The following MAGI2 variants were observed in gnomAD, a reference collection of about 807,000 sequenced individuals.
MAGI2 encodes membrane associated guanylate kinase, WW and PDZ domain containing 2.
A neutral mutation model predicts 133.3 loss-of-function variants in MAGI2; 35 were observed. The ratio of observed to expected loss-of-function variants is 0.26; its 90% CI spans 0.20 to 0.35. The LOEUF is 0.35. Among genes scored for constraint, MAGI2 ranks in the 10% least tolerant of loss-of-function variants. The pLI is 1.00. For missense variants in MAGI2, 1,636 were observed against 1,863.4 expected (o/e 0.88, Z 2.25); for synonymous variants, 729 against 710.6 (o/e 1.03, Z -0.41).
intron 11 of MAGI2, among the ~76,000 whole-genome samples, chr7:78,200,940 T>C (rs1256331898): frequency 6.6e-6 from 1 of 152,190 alleles, no homozygotes; most frequent in African/African-American, 2.4e-5. Flanking sequence ...TGTAAGTATA[T>C]ATTTTTTAAA....
intron 2 of MAGI2, among the ~76,000 whole-genome samples, chr7:78,647,306 A>T (rs1490336608): frequency 6.6e-6 from 1 of 152,106 alleles, no homozygotes; most frequent in Non-Finnish European, 1.5e-5. Flanking sequence ...TTACAAGAAA[A>T]AAACAACCCC....
chr7:78,948,617 A>G (rs1801625219), intron 2 of MAGI2, among the ~76,000 whole-genome samples: 1 of 152,122 alleles, frequency 6.6e-6, no homozygotes, highest in Non-Finnish European at 1.5e-5. Flanking sequence ...ATAGAACGAC[A>G]TTAGGCAGAA....
intron 20 of MAGI2, among the ~76,000 whole-genome samples, chr7:78,083,352 G>C (rs1563098536): frequency 1.6e-5 from 2 of 124,418 alleles, no homozygotes; most frequent in Non-Finnish European, 3.3e-5. Context: ...GAGGGAGAAG[G>C]AGATGGTGGG....
intron 1 of MAGI2, among the ~76,000 whole-genome samples, chr7:79,400,683 A>C: frequency 6.6e-6 from 1 of 152,322 alleles, no homozygotes; most frequent in East Asian, 1.9e-4. Context: ...CATTGGATTC[A>C]AGTAAATTTA....
At chr7:78,544,912 G>A (rs1443552942) in intron 3 of MAGI2, among the ~76,000 whole-genome samples, 1 of 151,466 alleles carries the variant, frequency 6.6e-6, no homozygotes. Context: ...GCCTGCTTTG[G>A]CCTCCCGAAG....
intron 20 of MAGI2, among the ~76,000 whole-genome samples, chr7:78,097,526 A>C (rs1817819400): frequency 6.6e-6 from 1 of 152,200 alleles, no homozygotes; most frequent in East Asian, 1.9e-4. Context: ...ACATAGATGG[A>C]GCTGGAGGCT....
intron 2 of MAGI2, among the ~76,000 whole-genome samples, chr7:78,772,824 G>A (rs866462042): frequency 2.0e-5 from 3 of 152,212 alleles, no homozygotes; most frequent in Middle Eastern, 3.4e-3. Flanking sequence ...AAAGTAAGTC[G>A]GCTTAGGCAA....
At chr7:79,334,415 CTCT>C (rs1386203902) in intron 1 of MAGI2, among the ~76,000 whole-genome samples, 2 of 152,122 alleles carry the variant, frequency 1.3e-5, no homozygotes, top group Non-Finnish European at 2.9e-5. Flanking sequence ...CCATAATCTT[CTCT>C]TTTTTATAAG....
chr7:78,536,626 G>C (rs573896977), intron 3 of MAGI2, among the ~76,000 whole-genome samples: 5 of 152,018 alleles, frequency 3.3e-5, no homozygotes, highest in African/African-American at 9.7e-5. Context: ...TTGAAGAACT[G>C]GAAGACTTTT....
intron 2 of MAGI2, among the ~76,000 whole-genome samples, chr7:78,828,647 G>A (rs79238068): frequency 0.077 from 11,696 of 152,154 alleles, 828 homozygotes; most frequent in African/African-American, 0.18. Flanking sequence ...TTTAGTTAAT[G>A]TTATTGTATC....
chr7:78,482,888 CA>C (rs368652744), intron 6 of MAGI2, among the ~76,000 whole-genome samples: 59,776 of 146,446 alleles, frequency 0.41, 12,694 homozygotes, highest in East Asian at 0.68. Flanking sequence ...TACACACACA[CA>C]CACACACACA....
chr7:78,296,349 G>A (rs1797240636), intron 9 of MAGI2, among the ~76,000 whole-genome samples: 1 of 152,098 alleles, frequency 6.6e-6, no homozygotes, highest in African/African-American at 2.4e-5. Context: ...CATATCCTTA[G>A]GCCTCTGGAG....
chr7:78,841,587 AC>A (rs1433200751), intron 2 of MAGI2, among the ~76,000 whole-genome samples: 1 of 151,860 alleles, frequency 6.6e-6, no homozygotes, highest in Non-Finnish European at 1.5e-5. Flanking sequence ...TCCAATTCAA[AC>A]TTCTCTCCTA....
At chr7:79,166,169 TGAATGTGGGTGGGACTGTG>T (rs1824886317) in intron 1 of MAGI2, among the ~76,000 whole-genome samples, 1 of 152,052 alleles carries the variant, frequency 6.6e-6, no homozygotes, top group Non-Finnish European at 1.5e-5. Flanking sequence ...TCCCATGCCT[TGAATGTGGGTGGGACTGTG>T]GATATAATGA....
chr7:78,262,671 C>T (rs2150965326), intron 9 of MAGI2, among the ~76,000 whole-genome samples: 1 of 152,204 alleles, frequency 6.6e-6, no homozygotes, highest in African/African-American at 2.4e-5. Flanking sequence ...ATTTATTCAG[C>T]AAAGATTTAC....
chr7:79,038,186 G>A (rs1811294587), intron 1 of MAGI2, among the ~76,000 whole-genome samples: 1 of 152,092 alleles, frequency 6.6e-6, no homozygotes. Context: ...TTATAAAGAG[G>A]AACTCAGTCT....
At chr7:79,398,171 G>A (rs1002549450) in intron 1 of MAGI2, among the ~76,000 whole-genome samples, 3 of 152,188 alleles carry the variant, frequency 2.0e-5, no homozygotes, top group Admixed American at 6.5e-5. Context: ...TTGTGGTAGA[G>A]ACATAGTGAC....
rs189020071 is a variant in MAGI2, at chr7:79,430,881, G to A, written c.301+22139C>T. Among the ~76,000 whole-genome samples, 379 of 152,192 alleles carry A rather than the reference G, an allele frequency of 2.5e-3. 2 individuals carry two copies. The highest frequency in any genetic ancestry group is 4.0e-3 in the Non-Finnish European group (273 of 68,004). On this transcript the variant is annotated intron_variant, in intron 1 of 21. Coordinates refer to ENST00000354212, the MANE Select transcript of MAGI2 (RefSeq NM_012301.4). Reference sequence around the variant, plus strand: ...GTGGCTTGAATACACTTGGGTTTTCGTCTGCAATGCCAAAGAAGACCAAAA... The same window carrying A: ...GTGGCTTGAATACACTTGGGTTTTCATCTGCAATGCCAAAGAAGACCAAAA...
At chr7:78,170,932 G>C (rs923670589) in intron 14 of MAGI2, 3 of 152,152 alleles carry the variant, frequency 2.0e-5, no homozygotes, top group Admixed American at 2.0e-4. Flanking sequence ...TGTGCCGTGT[G>C]GTTGCTAGTG....
Sources: gnomAD v4.1 joint callset for allele counts (sites outside exome capture counted in the v4.1 genomes callset) on GRCh38, gnomAD v4.1.1 for gene constraint, MANE v1.5 for transcripts, NCBI Gene and HGNC (gene_info 2026-07-23, HGNC 2026-07-21) for gene names.